The following DPP6 variants were observed in gnomAD, a reference collection of about 807,000 sequenced individuals.
DPP6 encodes A-type potassium channel modulatory protein DPP6.
In DPP6, 69 loss-of-function variants were observed where a neutral mutation model predicts 122.6. The observed-to-expected ratio is 0.56, with a 90% confidence interval of 0.46 to 0.69. DPP6 has a LOEUF of 0.69. Among genes scored for constraint, DPP6 ranks in the 30% least tolerant of loss-of-function variants. The probability of loss-of-function intolerance (pLI) is 0.00; values close to 1 mark genes in which losing one functional copy is unlikely to be tolerated. For synonymous variants in DPP6, 418 were observed against 433.1 expected, an observed-to-expected ratio of 0.97 and a Z score of 0.43; for missense variants, 928 against 1,116.9, an observed-to-expected ratio of 0.83 and a Z score of 2.41.
At chr7:154,230,808 C>T (rs1340174920) in intron 1 of DPP6, among the ~76,000 whole-genome samples, 2 of 152,122 alleles carry the variant, frequency 1.3e-5, no homozygotes, top group South Asian at 2.1e-4. Flanking sequence ...CCCTGAGTGC[C>T]GGATACTGTT....
At position 154,794,262 on chromosome 7, in the gene DPP6, C is replaced by G; in HGVS notation, c.1260+60C>G. 2.0e-6 allele frequency: 3 copies of G among 1,500,932 alleles called. No homozygotes were observed. The South Asian group carries it at 4.0e-5, about 20-fold the overall frequency. 93.0% of individuals were successfully genotyped at this position (1,500,932 alleles called of 1,614,324 possible). A position where few individuals can be genotyped will look rare whatever the true frequency, so the allele number is the denominator to read the frequency against. ...TGAAGAACCGATGGTCAGACGCGCC[C>G]GAGGTGGCGCCAGAGTCGTCTCAGC... On this transcript the variant is annotated intron_variant, in intron 11 of 25. Coordinates refer to ENST00000377770, the MANE Select transcript of DPP6 (RefSeq NM_130797.4).
At chr7:154,559,826 G>A (rs1372015876) in intron 4 of DPP6, among the ~76,000 whole-genome samples, 1 of 151,436 alleles carries the variant, frequency 6.6e-6, no homozygotes, top group East Asian at 1.9e-4. Flanking sequence ...GATCCCTTGA[G>A]CCTAGGAGTT....
At chr7:153,832,341 G>A in the DPP6 span, among the ~76,000 whole-genome samples, 1 of 152,126 alleles carries the variant, frequency 6.6e-6, no homozygotes, top group Admixed American at 6.6e-5. Context: ...AGCCACGAGG[G>A]GGCTCCTGTC....
the DPP6 span, among the ~76,000 whole-genome samples, chr7:153,771,664 G>T: frequency 2.0e-5 from 3 of 152,216 alleles, no homozygotes; most frequent in South Asian, 6.2e-4. Flanking sequence ...TTTTTGAAAG[G>T]CTGGAAAGAA....
chr7:153,759,963 G>C, the DPP6 span, among the ~76,000 whole-genome samples: 4 of 148,144 alleles, frequency 2.7e-5, 1 homozygote, highest in Middle Eastern at 7.0e-3. Flanking sequence ...GTCTCTCTCT[G>C]TTTCTGTATC....
In DPP6 at chr7:153,897,434, T is replaced by C. The variant is rs553899119; in HGVS notation, c.51+9700T>C. On this transcript the variant is annotated intron_variant, in intron 1 of 25. Coordinates refer to the DPP6 transcript ENST00000404039. ...CAAGGACTGGAAACTTGTGCCATTG[T>C]TGACAAGTTCTGTTTGTTAAAATGG... 4.9e-4 allele frequency among the ~76,000 whole-genome samples: 74 copies of C among 152,350 alleles called. 1 individual carries two copies. Among genetic ancestry groups the C allele is most frequent in the African/African-American group, 1.6e-3 (67 of 41,592 alleles).
the DPP6 span, among the ~76,000 whole-genome samples, chr7:153,840,299 G>A: frequency 2.0e-5 from 3 of 152,126 alleles, no homozygotes; most frequent in African/African-American, 7.2e-5. Flanking sequence ...GAATGGATAT[G>A]TAGAAAGGAT....
the DPP6 span, among the ~76,000 whole-genome samples, chr7:153,867,841 T>C: frequency 9.2e-5 from 14 of 152,200 alleles, no homozygotes; most frequent in African/African-American, 2.9e-4. Context: ...ACCTAATTTA[T>C]TGCGAATTTT....
At chr7:154,043,185 T>C (rs1305032309) in intron 1 of DPP6, among the ~76,000 whole-genome samples, 2 of 151,952 alleles carry the variant, frequency 1.3e-5, no homozygotes, top group Non-Finnish European at 2.9e-5. Flanking sequence ...GTCAGGGGTT[T>C]GAGACCAACC....
intron 1 of DPP6, among the ~76,000 whole-genome samples, chr7:153,951,222 A>T (rs949016233): frequency 6.6e-6 from 1 of 152,212 alleles, no homozygotes; most frequent in Non-Finnish European, 1.5e-5. Context: ...TGAGAAGCGC[A>T]TTGGAGGTTA....
chr7:154,546,399 A>G (rs1456443582), intron 4 of DPP6, among the ~76,000 whole-genome samples: 3 of 152,030 alleles, frequency 2.0e-5, no homozygotes, highest in African/African-American at 7.2e-5. Flanking sequence ...TCATCTTTCA[A>G]AAAACAGCAG....
At chr7:154,664,339 A>G (rs1044662851) in intron 6 of DPP6, among the ~76,000 whole-genome samples, 1 of 152,248 alleles carries the variant, frequency 6.6e-6, no homozygotes, top group Non-Finnish European at 1.5e-5. Context: ...GGGAATTTAC[A>G]TTTGTCGTAT....
At chr7:153,770,461 AC>A in the DPP6 span, among the ~76,000 whole-genome samples, 2 of 152,108 alleles carry the variant, frequency 1.3e-5, no homozygotes, top group Non-Finnish European at 2.9e-5. Flanking sequence ...ACATAAATAA[AC>A]AATAACGAAT....
intron 5 of DPP6, among the ~76,000 whole-genome samples, chr7:154,637,502 A>G (rs1329397403): frequency 6.6e-6 from 1 of 152,176 alleles, no homozygotes; most frequent in Non-Finnish European, 1.5e-5. Context: ...ATGGTCTCCA[A>G]TGACCAAGGT....
intron 6 of DPP6, among the ~76,000 whole-genome samples, chr7:154,654,190 T>C (rs1351162497): frequency 1.3e-5 from 2 of 152,208 alleles, no homozygotes; most frequent in Admixed American, 6.5e-5. Flanking sequence ...GACTTGAGCA[T>C]CTGTGGATTT....
At chr7:154,492,564 G>A (rs1824369643) in intron 3 of DPP6, among the ~76,000 whole-genome samples, 1 of 152,124 alleles carries the variant, frequency 6.6e-6, no homozygotes, top group African/African-American at 2.4e-5. Context: ...CCCTATTCTG[G>A]TGGGATACCG....
intron 8 of DPP6, among the ~76,000 whole-genome samples, chr7:154,763,451 A>G (rs982776664): frequency 6.6e-6 from 1 of 152,170 alleles, no homozygotes; most frequent in African/African-American, 2.4e-5. Flanking sequence ...GGGAAGAGAG[A>G]GAGATGAAAT....
chr7:154,220,545 C>A (rs1800245750), intron 1 of DPP6, among the ~76,000 whole-genome samples: 1 of 152,104 alleles, frequency 6.6e-6, no homozygotes, highest in South Asian at 2.1e-4. Flanking sequence ...TATAACAAAC[C>A]TGCCCATGTG....
chr7:154,840,725 A>G (rs1244898765), intron 16 of DPP6, among the ~76,000 whole-genome samples: 2 of 152,194 alleles, frequency 1.3e-5, no homozygotes, highest in African/African-American at 4.8e-5. Context: ...ATTTTATCAT[A>G]CCTTCATTAC....
Sources: gnomAD v4.1 joint callset for allele counts (sites outside exome capture counted in the v4.1 genomes callset) on GRCh38, gnomAD v4.1.1 for gene constraint, MANE v1.5 for transcripts, NCBI Gene and HGNC (gene_info 2026-07-23, HGNC 2026-07-21) for gene names.